Variants in CAT observed in about 807,000 individuals in gnomAD.
CAT encodes epididymis secretory sperm binding protein.
CAT carries 43 observed loss-of-function variants against 59.0 expected under a neutral mutation model. The observed-to-expected ratio is 0.73, with a 90% CI of 0.57 to 0.94. The LOEUF (loss-of-function observed/expected upper bound fraction) is 0.94. CAT is among the 40% of genes least tolerant of loss of function. The pLI is 0.00. For synonymous variants in CAT, 218 were observed against 230.9 expected (o/e 0.94, Z 0.51); for missense variants, 664 against 682.9 (o/e 0.97, Z 0.31).
intron 8 of CAT, among the ~76,000 whole-genome samples, chr11:34,460,466 T>TTTTTTTTG: frequency 6.7e-6 from 1 of 148,156 alleles, no homozygotes; most frequent in Non-Finnish European, 1.5e-5. Context: ...TTTTTTTTTT[T>TTTTTTTTG]TTTTTCTGAT....
intron 11 of CAT, among the ~76,000 whole-genome samples, chr11:34,470,529 G>C (rs763818685): frequency 6.6e-6 from 1 of 152,124 alleles, no homozygotes; most frequent in Non-Finnish European, 1.5e-5. Context: ...CCTTCTGATC[G>C]CGTGCTTGTT....
At position 34,456,680 on chromosome 11, in the gene CAT, G is replaced by C; in HGVS notation, c.919G>C (p.Asp307His). Residue 307 changes from aspartate (D) to histidine (H), a missense_variant, in exon 8 of 13, where the codon GAC becomes CAC. By Grantham distance (81) the Asp-to-His change is moderately conservative. Coordinates refer to ENST00000241052, the MANE Select transcript of CAT (RefSeq NM_001752.4). The stretch of plus-strand genomic sequence containing the variant: ...TCATTTTCAGGTTTGGCCTCACAAG[G>C]ACTACCCTCTCATCCCAGTTGGTAA... Reference protein sequence around the residue: ...FDLTKVWPHKDYPLIPVGKLV... With the variant: ...FDLTKVWPHKHYPLIPVGKLV... 6.2e-7 allele frequency: 1 copy of C among 1,614,154 alleles called. No homozygotes were observed. Among genetic ancestry groups the C allele is most frequent in the East Asian group, 2.2e-5 (1 of 44,896 alleles).
chr11:34,439,028 G>C lies in CAT; in HGVS notation c.15G>C (p.Arg5=). Residue 5 remains arginine (R), a synonymous_variant, in exon 1 of 13, where the codon CGG becomes CGC. Transcript: ENST00000241052. Reference sequence around the variant, plus strand: ...AACCGCACGCTATGGCTGACAGCCGGGATCCCGCCAGCGACCAGATGCAGC... The same window carrying C: ...AACCGCACGCTATGGCTGACAGCCGCGATCCCGCCAGCGACCAGATGCAGC... MADS[R]DPASDQMQHW... is the part of the protein sequence containing the mutation. 6.3e-7 allele frequency: 1 copy of C among 1,596,470 alleles called. No homozygotes were observed.
chr11:34,463,488 T>C (rs1234207973), intron 9 of CAT, among the ~76,000 whole-genome samples: 1 of 151,780 alleles, frequency 6.6e-6, no homozygotes, highest in East Asian at 1.9e-4. Context: ...CAAAGTAGAG[T>C]TCTGTAATGG....
At chr11:34,449,116 C>G (rs1432971592) in intron 1 of CAT, 76 bp from the exon 2 acceptor site, 1 of 1,262,526 alleles carries the variant, frequency 7.9e-7, no homozygotes, top group East Asian at 2.3e-5. Flanking sequence ...CATTGCAAAG[C>G]TATGTACCCG....
chr11:34,445,495 CAAAAAAAAAAAA>C (rs58169234), intron 1 of CAT, among the ~76,000 whole-genome samples: 1 of 36,342 alleles, frequency 2.8e-5, no homozygotes, highest in Non-Finnish European at 4.4e-5. Context: ...GACTCCATCT[CAAAAAAAAAAAA>C]AAAAAAAAAA....
intron 7 of CAT, 81 bp from the exon 8 acceptor site, chr11:34,456,584 T>C: frequency 5.4e-6 from 7 of 1,305,192 alleles, no homozygotes; most frequent in Non-Finnish European, 4.5e-6. Context: ...TTGATTGTAT[T>C]TGAAATCTGG....
At chr11:34,456,506 A>G (rs1856591461) in intron 7 of CAT, among the ~76,000 whole-genome samples, 159 bp from the exon 8 acceptor site, 1 of 152,250 alleles carries the variant, frequency 6.6e-6, no homozygotes, top group Non-Finnish European at 1.5e-5. Context: ...ACTATTGTGA[A>G]AGATTTAACT....
At chr11:34,453,966 C>T in intron 6 of CAT, 40 bp downstream of exon 6, 1 of 1,602,804 alleles carries the variant, frequency 6.2e-7, no homozygotes. Flanking sequence ...AAGGCTCCTA[C>T]CGCATACCTC....
At chr11:34,439,152 G>A in intron 1 of CAT, 73 bp downstream of exon 1, 1 of 1,408,540 alleles carries the variant, frequency 7.1e-7, no homozygotes, top group Non-Finnish European at 9.8e-7. Flanking sequence ...TAAAGGCCCG[G>A]CTTCCCCCGG....
Position 34,453,945 on chromosome 11 carries a change from G to A in CAT, c.711+19G>A. 1 of 1,612,328 alleles carries A rather than the reference G, an allele frequency of 6.2e-7. No individual in the cohort carries two copies. The highest frequency in any genetic ancestry group is 8.5e-7 in the Non-Finnish European group (1 of 1,178,646). On this transcript the variant is annotated intron_variant, in intron 6 of 12. Transcript: ENST00000241052. ...TTATAAGGTATGTGTTACCTTTGGG[G>A]CAGAGGGTACAAGGCTCCTACCGCA... is the stretch of plus-strand genomic sequence containing the variant.
chr11:34,455,339 A>G (rs972471553), intron 6 of CAT, among the ~76,000 whole-genome samples: 6 of 152,282 alleles, frequency 3.9e-5, no homozygotes, highest in Middle Eastern at 3.4e-3. Flanking sequence ...ATAAGATCAC[A>G]TGGTCAGTCC....
intron 10 of CAT, among the ~76,000 whole-genome samples, chr11:34,466,780 C>CA (rs71457350): frequency 0.22 from 8,881 of 40,624 alleles, 1,422 homozygotes; most frequent in East Asian, 0.38. Flanking sequence ...GACTCCGTCT[C>CA]AAAAAAAAAA....
chr11:34,464,518 G>A (rs571510261), intron 10 of CAT, among the ~76,000 whole-genome samples: 178 of 152,280 alleles, frequency 1.2e-3, no homozygotes, highest in Non-Finnish European at 2.2e-3. Context: ...TATCTCATGG[G>A]AATTTAAGAA....
At chr11:34,444,738 A>G (rs1856429215) in intron 1 of CAT, among the ~76,000 whole-genome samples, 1 of 152,192 alleles carries the variant, frequency 6.6e-6, no homozygotes, top group Non-Finnish European at 1.5e-5. Flanking sequence ...GGAAAGTGTA[A>G]TATGTTGATA....
At chr11:34,445,840 T>C (rs1000806868) in intron 1 of CAT, among the ~76,000 whole-genome samples, 1 of 152,224 alleles carries the variant, frequency 6.6e-6, no homozygotes, top group African/African-American at 2.4e-5. Flanking sequence ...TCCTTACGTG[T>C]TACATGTAAC....
intron 1 of CAT, 138 bp downstream of exon 1, chr11:34,439,217 G>A: frequency 2.4e-6 from 2 of 822,550 alleles, no homozygotes; most frequent in South Asian, 1.5e-5. Context: ...GATCCCCTTC[G>A]GTGCAGACGG....
At chr11:34,469,390 T>C (rs1462956824) in intron 11 of CAT, among the ~76,000 whole-genome samples, 1 of 152,172 alleles carries the variant, frequency 6.6e-6, no homozygotes, top group East Asian at 1.9e-4. Context: ...GCATTCTCCT[T>C]TCACATATGC....
Position 34,453,827 on chromosome 11 carries a change from G to C in CAT, c.612G>C (p.Gly204=). Reference sequence around the variant, plus strand: ...TTTCTTTCTTGTTCAGTGATCGGGGGATTCCAGATGGACATCGCCACATGA... The same window carrying C: ...TTTCTTTCTTGTTCAGTGATCGGGGCATTCCAGATGGACATCGCCACATGA... ...HQVSFLFSDR[G]IPDGHRHMNG... The change falls in exon 6 of 13, where the codon GGG becomes GGC. Residue 204 remains glycine (G), a synonymous_variant. Transcript: ENST00000241052. The C allele has an allele frequency of 1.2e-6, 2 of 1,613,544 alleles. No individual in the cohort carries two copies. The highest frequency in any genetic ancestry group is 8.5e-7 in the Non-Finnish European group (1 of 1,179,470).
Sources: gnomAD v4.1 joint callset for allele counts (sites outside exome capture counted in the v4.1 genomes callset) on GRCh38, gnomAD v4.1.1 for gene constraint, MANE v1.5 for transcripts, NCBI Gene and HGNC (gene_info 2026-07-23, HGNC 2026-07-21) for gene names.